The following SLC24A1 variants were observed in gnomAD, a reference collection of about 807,000 sequenced individuals.
SLC24A1 encodes sodium/potassium/calcium exchanger 1.
Under a neutral mutation model 88.1 loss-of-function variants are expected in SLC24A1, and 52 were observed. The observed-to-expected ratio is 0.59, with a 90% CI of 0.47 to 0.74. SLC24A1 has a LOEUF of 0.74. Ranked by LOEUF, SLC24A1 falls within the 30% of genes least tolerant of loss-of-function variation. The pLI, the probability that SLC24A1 is intolerant of heterozygous loss-of-function variation, is 0.00. For missense variants in SLC24A1, 1,173 were observed against 1,363.3 expected (o/e 0.86, Z 2.20); for synonymous variants, 455 against 498.0 (o/e 0.91, Z 1.15).
intron 4 of SLC24A1, chr15:65,642,852 C>T (rs1303283606): frequency 1.9e-5 from 8 of 427,020 alleles, no homozygotes; most frequent in Non-Finnish European, 3.1e-5. Context: ...TGGAGCCAGG[C>T]AGAGCCTTTG....
chr15:65,658,621 C>T (rs1359749535), downstream of SLC24A1, among the ~76,000 whole-genome samples: 1 of 152,146 alleles, frequency 6.6e-6, no homozygotes, highest in Admixed American at 6.5e-5. Context: ...ACTGGTTGAA[C>T]ATCCCAAATA....
chr15:65,639,574 T>TGC, intron 3 of SLC24A1, 21 bp from the exon 4 acceptor site: 1 of 1,398,202 alleles, frequency 7.2e-7, no homozygotes, highest in Non-Finnish European at 9.8e-7. Flanking sequence ...GGGCCCACTG[T>TGC]GCGGCTCTCC....
Position 65,650,559 on chromosome 15 carries a change from G to T in SLC24A1, c.2410G>T (p.Gly804Ter). ...CEDENEAEGK[G>*]DNEGEDEGEI... is the part of the protein sequence containing the mutation. Reference sequence around the variant, plus strand: ...AGATGAAAATGAAGCAGAAGGAAAAGGAGACAATGAAGGTGAAGATGAGGG... The same window carrying T: ...AGATGAAAATGAAGCAGAAGGAAAATGAGACAATGAAGGTGAAGATGAGGG... The change falls in exon 7 of 10, where the codon GGA becomes TGA. Residue 804 changes from glycine (G) to a stop codon, truncating the protein, a stop_gained. Coordinates refer to ENST00000261892, the MANE Select transcript of SLC24A1 (RefSeq NM_004727.3). LOFTEE classifies it high-confidence loss of function. The surrounding 1 kb of genome is among the most constrained non-coding windows in gnomAD (Gnocchi z 4.1). 2 of 1,551,884 alleles carry T rather than the reference G, an allele frequency of 1.3e-6. No individual in the cohort carries two copies. Among genetic ancestry groups the T allele is most frequent in the Non-Finnish European group, 1.7e-6 (2 of 1,147,040 alleles).
chr15:65,653,258 C>G (rs891398540), intron 9 of SLC24A1, among the ~76,000 whole-genome samples: 1 of 152,192 alleles, frequency 6.6e-6, no homozygotes, highest in Non-Finnish European at 1.5e-5. Flanking sequence ...CATCCTCTTA[C>G]TCCATTCTCC....
chr15:65,650,537 T>A lies in SLC24A1; in HGVS notation c.2388T>A (p.Asp796Glu). Reference sequence around the variant, plus strand: ...AAGGAAAAGGAGAAGAATGTGAAGATGAAAATGAAGCAGAAGGAAAAGGAG... The same window carrying A: ...AAGGAAAAGGAGAAGAATGTGAAGAAGAAAATGAAGCAGAAGGAAAAGGAG... Reference protein sequence around the residue: ...ETQGKGEECEDENEAEGKGDN... With the variant: ...ETQGKGEECEEENEAEGKGDN... Residue 796 changes from aspartate (D) to glutamate (E), a missense_variant, in exon 7 of 10, where the codon GAT becomes GAA. By Grantham distance (45) the Asp-to-Glu change is conservative (BLOSUM62 2). Transcript: ENST00000261892. The surrounding 1 kb of genome is among the most constrained non-coding windows in gnomAD (Gnocchi z 4.1). 1 of 1,551,356 alleles carries A rather than the reference T, an allele frequency of 6.4e-7. No homozygotes were observed.
intron 4 of SLC24A1, chr15:65,642,834 G>A (rs2075174400): frequency 2.4e-5 from 9 of 380,410 alleles, no homozygotes; most frequent in South Asian, 1.6e-4. Flanking sequence ...TCTGTTTCCT[G>A]CTTGTCCTGG....
chr15:65,612,369 G>C (rs1566939379), intron 1 of SLC24A1: 1 of 152,354 alleles, frequency 6.6e-6, no homozygotes, highest in Non-Finnish European at 1.5e-5. Context: ...GAGATTAGGA[G>C]ATGGGACGAG....
rs534579053 is a variant in SLC24A1, at chr15:65,648,943, A to C, written c.2233-1439A>C. Among the ~76,000 whole-genome samples the C allele has an allele frequency of 3.9e-5, 6 of 152,288 alleles. No homozygotes were observed. The South Asian group carries it at 1.2e-3, about 32-fold the overall frequency. ...TCTATGTCTGAGACCACACCCAGCT[A>C]TCAATGGCTTTTAGGGTGTGTGGAG... On this transcript the variant is annotated intron_variant, in intron 6 of 9. Transcript: ENST00000261892.
At chr15:65,615,878 A>ACC (rs1180135989) in intron 2 of SLC24A1, among the ~76,000 whole-genome samples, 1 of 53,126 alleles carries the variant, frequency 1.9e-5, no homozygotes, top group African/African-American at 7.6e-5. Flanking sequence ...TCCCTCCCCC[A>ACC]CCCCCCCACC....
intron 4 of SLC24A1, among the ~76,000 whole-genome samples, chr15:65,640,932 G>T (rs1286697880): frequency 6.6e-6 from 1 of 151,874 alleles, no homozygotes; most frequent in Admixed American, 6.6e-5. Context: ...GTGGTGGCAG[G>T]CGCCTGTAAT....
chr15:65,659,505 T>TA, downstream of SLC24A1: 1 of 151,542 alleles, frequency 6.6e-6, no homozygotes, highest in Non-Finnish European at 1.5e-5. Flanking sequence ...CGAGCAAATT[T>TA]AAAAAATTTT....
upstream of SLC24A1, among the ~76,000 whole-genome samples, chr15:65,620,278 G>A (rs536641442): frequency 7.2e-5 from 11 of 152,002 alleles, no homozygotes; most frequent in South Asian, 6.2e-4. Context: ...ATAAATACAC[G>A]GTAGAGTGTT....
Position 65,651,720 on chromosome 15 carries a change from A to G in SLC24A1, c.2844A>G (p.Ile948Met). The stretch of plus-strand genomic sequence containing the variant: ...CCTTCCTGGGATCTATCATGTGGAT[A>G]GCCATGTTCTCATACCTCATGGTGT... ...VFTFLGSIMW[I>M]AMFSYLMVWW... is the part of the protein sequence containing the mutation. The change falls in exon 8 of 10, where the codon ATA (isoleucine) becomes ATG (methionine). Residue 948 changes from isoleucine to methionine, a missense_variant. Transcript: ENST00000261892. 1 of 1,610,944 alleles carries G rather than the reference A, an allele frequency of 6.2e-7. No individual in the cohort carries two copies.
Position 65,650,554 on chromosome 15 carries a change from G to A in SLC24A1, c.2405G>A (p.Gly802Glu). 1.3e-6 allele frequency: 2 copies of A among 1,551,882 alleles called. No individual in the cohort carries two copies. Among genetic ancestry groups the A allele is most frequent in the Non-Finnish European group, 1.7e-6 (2 of 1,147,044 alleles). ...TGTGAAGATGAAAATGAAGCAGAAG[G>A]AAAAGGAGACAATGAAGGTGAAGAT... ...EECEDENEAE[G>E]KGDNEGEDEG... is the part of the protein sequence containing the mutation. The change falls in exon 7 of 10, where the codon GGA (glycine) becomes GAA (glutamate). Residue 802 changes from glycine to glutamate, a missense_variant. Physicochemically the swap from Gly to Glu is moderately conservative, Grantham distance 98 (BLOSUM62 -2). Transcript: ENST00000261892. The surrounding 1 kb of genome is among the most constrained non-coding windows in gnomAD (Gnocchi z 4.1).
At chr15:65,642,895 C>G in intron 4 of SLC24A1, 1 of 799,496 alleles carries the variant, frequency 1.3e-6, no homozygotes, top group Non-Finnish European at 1.8e-6. Flanking sequence ...CACTTTCCAG[C>G]TTCTCCGTTT....
At position 65,624,557 on chromosome 15, in the gene SLC24A1, C is replaced by G. The variant is rs1170163439; in HGVS notation, c.477C>G (p.Ser159Arg). 2 of 1,597,886 alleles carry G rather than the reference C, an allele frequency of 1.3e-6. No individual in the cohort carries two copies. The highest frequency in any genetic ancestry group is 1.7e-6 in the Non-Finnish European group (2 of 1,172,066). ...TGACTTACTACACCTCAACTTCAAGCAGACAAATAGTAAAAAAGTATACCC... is the reference window on the plus strand; with the variant it reads ...TGACTTACTACACCTCAACTTCAAGGAGACAAATAGTAAAAAAGTATACCC... ...RTLTYYTSTS[S>R]RQIVKKYTPT... is the part of the protein sequence containing the mutation. Residue 159 changes from serine to arginine, a missense_variant, in exon 2 of 10, where the codon AGC (serine) becomes AGG (arginine). Physicochemically the swap from Ser to Arg is moderately radical, Grantham distance 110. Coordinates refer to ENST00000261892, the MANE Select transcript of SLC24A1 (RefSeq NM_004727.3).
At chr15:65,660,316 C>G (rs1290404847), downstream of SLC24A1, 3 of 1,534,602 alleles carry the variant, frequency 2.0e-6, no homozygotes, top group Non-Finnish European at 2.6e-6. Flanking sequence ...TGGTGCTATT[C>G]ACTAATGGTG....
Position 65,654,706 on chromosome 15 carries a change from TC to T in SLC24A1, c.*628del, listed in dbSNP as rs2075618046. ...TGCATCTGGATATATACCAGTATTT[TC>T]TTTTTTTTTTTTTTTGAGACAGAGT... On this transcript the variant is annotated 3_prime_UTR_variant, in exon 10 of 10. Transcript: ENST00000261892. 4.7e-6 allele frequency: 6 copies of T among 1,272,800 alleles called. No individual in the cohort carries two copies. In the South Asian group the frequency reaches 5.0e-5, roughly 11 times the overall value. The allele number at this position is 1,272,800 out of a possible 1,614,324, so 78.8% of individuals were successfully genotyped here.
rs2075405770 is a variant in SLC24A1 at position 65,649,005 on chromosome 15, A to C, written c.2233-1377A>C. Among the ~76,000 whole-genome samples the C allele has an allele frequency of 2.0e-5, 3 of 152,204 alleles. No individual in the cohort carries two copies. The South Asian group carries it at 6.2e-4, about 31-fold the overall frequency. On this transcript the variant is annotated intron_variant, in intron 6 of 9. Transcript: ENST00000261892. ...TTCCCAAACACTGGTCTAAAGGTGG[A>C]TGTTTTAGGAACAGCTGTGAGTATG...
Sources: gnomAD v4.1 joint callset for allele counts (sites outside exome capture counted in the v4.1 genomes callset) on GRCh38, gnomAD v4.1.1 for gene constraint, Gnocchi (gnomAD v3.1) non-coding constraint, MANE v1.5 for transcripts, NCBI Gene and HGNC (gene_info 2026-07-23, HGNC 2026-07-21) for gene names.